INSR: variants seen among roughly 807,000 people sequenced by gnomAD.
The protein encoded by INSR is insulin receptor, also known as IR.
In INSR, 67 loss-of-function variants were observed where a neutral mutation model predicts 142.6. The ratio of observed to expected loss-of-function variants is 0.47; its 90% CI spans 0.39 to 0.58. The LOEUF is 0.58. INSR is among the 20% of genes least tolerant of loss of function. The probability of loss-of-function intolerance (pLI) is 0.00; values close to 1 mark genes in which losing one functional copy is unlikely to be tolerated. For missense variants in INSR, 1,248 were observed against 1,833.2 expected, an observed-to-expected ratio of 0.68 and a Z score of 5.83; for synonymous variants, 756 against 743.1, an observed-to-expected ratio of 1.02 and a Z score of -0.28.
At position 7,117,349 on chromosome 19, in the gene INSR, T is replaced by C; in HGVS notation, c.3856A>G (p.Ile1286Val). Residue 1286 changes from isoleucine to valine, a missense_variant, in exon 22 of 22, where the codon ATT becomes GTT. Around this residue, in one of 3 missense-constraint regions of INSR, gnomAD observed 1,069 missense variants for 1,654.0 expected, o/e 0.65. Coordinates refer to ENST00000302850, the MANE Select transcript of INSR (RefSeq NM_000208.4). ...NPKMRPTFLEIVNLLKDDLHP... is the reference protein window; with the variant it reads ...NPKMRPTFLEVVNLLKDDLHP... ...AGGTCGTCCTTGAGCAGGTTGACAA[T>C]CTCCAGGAAGGTTGGCCTCATCTTG... 6.2e-7 allele frequency: 1 copy of C among 1,614,060 alleles called. No homozygotes were observed. Among genetic ancestry groups the C allele is most frequent in the Non-Finnish European group, 8.5e-7 (1 of 1,180,008 alleles).
chr19:7,196,967 T>C (rs77403281), intron 2 of INSR, among the ~76,000 whole-genome samples: 6,627 of 152,196 alleles, frequency 0.044, 481 homozygotes, highest in African/African-American at 0.15. Context: ...GGCCTTTCTC[T>C]CCCACACTGG....
intron 2 of INSR, among the ~76,000 whole-genome samples, chr19:7,219,231 C>G (rs1238499908): frequency 6.6e-6 from 1 of 152,120 alleles, no homozygotes; most frequent in African/African-American, 2.4e-5. Flanking sequence ...TTGCAGGGAC[C>G]AGATATATTA....
At chr19:7,135,693 G>A (rs996991968) in intron 13 of INSR, among the ~76,000 whole-genome samples, 1 of 151,876 alleles carries the variant, frequency 6.6e-6, no homozygotes, top group African/African-American at 2.4e-5. Flanking sequence ...TCCACCAGCT[G>A]GGCACGGTGG....
At chr19:7,141,655 G>A in intron 13 of INSR, 22 bp downstream of exon 13, 1 of 1,613,950 alleles carries the variant, frequency 6.2e-7, no homozygotes, top group Non-Finnish European at 8.5e-7. Flanking sequence ...GCAGGGGCAT[G>A]CCCAAGAGTC....
At chr19:7,153,066 CCA>C (rs1329064073) in intron 9 of INSR, 139 bp from the exon 10 acceptor site, 2 of 390,874 alleles carry the variant, frequency 5.1e-6, no homozygotes, top group African/African-American at 3.6e-5. Flanking sequence ...CACACACACA[CCA>C]CACACATCAC....
intron 2 of INSR, among the ~76,000 whole-genome samples, chr19:7,239,141 G>A (rs1333423103): frequency 6.6e-6 from 1 of 152,018 alleles, no homozygotes; most frequent in African/African-American, 2.4e-5. Context: ...TTTCTATCTG[G>A]CCACAATTTC....
In INSR at chr19:7,273,006, A is replaced by AAGT. The variant is rs1253275058; in HGVS notation, c.101-5113_101-5111dup. Among the ~76,000 whole-genome samples, 65 of 152,290 alleles carry AAGT rather than the reference A, an allele frequency of 4.3e-4. 1 individual carries two copies. Among genetic ancestry groups the AAGT allele is most frequent in the Non-Finnish European group, 1.6e-4 (11 of 68,024 alleles). The stretch of plus-strand genomic sequence containing the variant: ...AAGAGCTAGGGAAATGGGGGATGGA[A>AAGT]AGTAGTAGCTAGAGGGTACAGGGTT... On this transcript the variant is annotated intron_variant, in intron 1 of 21. Transcript: ENST00000302850.
intron 2 of INSR, among the ~76,000 whole-genome samples, chr19:7,208,164 G>T (rs1027962513): frequency 1.3e-5 from 2 of 152,076 alleles, no homozygotes; most frequent in African/African-American, 2.4e-5. Flanking sequence ...CTCATGCCAC[G>T]TAACTATTCT....
intron 4 of INSR, among the ~76,000 whole-genome samples, chr19:7,173,077 G>A (rs897976903): frequency 6.6e-6 from 1 of 152,206 alleles, no homozygotes; most frequent in African/African-American, 2.4e-5. Flanking sequence ...TGCCCGGCCT[G>A]CCAGGCTGAA....
In INSR at chr19:7,142,808, A is replaced by G. The variant is rs754023629; in HGVS notation, c.2542+8T>C. 3.7e-6 allele frequency: 6 copies of G among 1,613,860 alleles called. No individual in the cohort carries two copies. The highest frequency in any genetic ancestry group is 4.5e-5 in the East Asian group (2 of 44,888). On this transcript the variant is annotated splice_region_variant and intron_variant, in intron 12 of 21. Transcript: ENST00000302850. ...CATGACACTCGGACCCCGGAGCAGC[A>G]GCCCTACCTTCAGGCATGGTCCTCG... is the stretch of plus-strand genomic sequence containing the variant.
intron 9 of INSR, among the ~76,000 whole-genome samples, chr19:7,156,935 G>A (rs1023472024): frequency 2.6e-5 from 4 of 151,138 alleles, no homozygotes; most frequent in Non-Finnish European, 5.9e-5. Context: ...GGGATTACAG[G>A]CATGCACCAT....
chr19:7,213,074 G>A (rs1466152465), intron 2 of INSR, among the ~76,000 whole-genome samples: 3 of 152,044 alleles, frequency 2.0e-5, no homozygotes, highest in Non-Finnish European at 4.4e-5. Flanking sequence ...GGCCGGGCGC[G>A]GTGGCTCACG....
At chr19:7,224,673 C>T (rs968711746) in intron 2 of INSR, among the ~76,000 whole-genome samples, 6 of 152,136 alleles carry the variant, frequency 3.9e-5, no homozygotes, top group Admixed American at 3.9e-4. Context: ...GCCAAGAAGC[C>T]GTAAGATGTG....
chr19:7,190,530 C>T lies in INSR; in HGVS notation c.653-5893G>A, dbSNP rs575672389. On this transcript the variant is annotated intron_variant, in intron 2 of 21. Coordinates refer to ENST00000302850, the MANE Select transcript of INSR (RefSeq NM_000208.4). ...GGGATTACAGGCGCCCGTCATCACG[C>T]CCAGCTAATTTTTGTATTTTTAGTA... 2.9e-3 allele frequency among the ~76,000 whole-genome samples: 436 copies of T among 152,210 alleles called. 1 individual carries two copies. Among genetic ancestry groups the T allele is most frequent in the Middle Eastern group, 6.8e-3 (2 of 294 alleles).
intron 2 of INSR, among the ~76,000 whole-genome samples, chr19:7,198,273 G>A (rs1432494310): frequency 1.3e-5 from 2 of 151,412 alleles, no homozygotes; most frequent in African/African-American, 2.4e-5. Context: ...CGCCCCCCGG[G>A]TGCGCCGGGC....
At chr19:7,190,112 T>G (rs1326580659) in intron 2 of INSR, among the ~76,000 whole-genome samples, 2 of 151,910 alleles carry the variant, frequency 1.3e-5, no homozygotes, top group African/African-American at 4.8e-5. Flanking sequence ...TTTGGGAGGC[T>G]GAGGCGGGAG....
In INSR at chr19:7,267,499, G is replaced by T. The variant is rs1389074595; in HGVS notation, c.498C>A (p.Ser166=). 1 of 1,614,048 alleles carries T rather than the reference G, an allele frequency of 6.2e-7. No individual in the cohort carries two copies. Among genetic ancestry groups the T allele is most frequent in the Non-Finnish European group, 8.5e-7 (1 of 1,180,000 alleles). Residue 166 remains serine, a synonymous_variant, in exon 2 of 22, where the codon TCC becomes TCA. Transcript: ENST00000302850. The surrounding 1 kb of genome is among the most constrained non-coding windows in gnomAD (Gnocchi z 6.3). The part of the protein sequence containing the change: ...ATIDWSRILD[S]VEDNYIVLNK... ...TCAACACGATGTAATTATCCTCCACGGAATCCAGGATACGGGACCAGTCGA... is the reference window on the plus strand; with the variant it reads ...TCAACACGATGTAATTATCCTCCACTGAATCCAGGATACGGGACCAGTCGA...
intron 2 of INSR, among the ~76,000 whole-genome samples, chr19:7,205,181 A>G (rs373665632): frequency 1.3e-5 from 2 of 152,208 alleles, no homozygotes; most frequent in Non-Finnish European, 2.9e-5. Context: ...AGTGTCCGGC[A>G]CCATCTGAGC....
chr19:7,258,303 G>C (rs1024807021), intron 2 of INSR, among the ~76,000 whole-genome samples: 2 of 152,160 alleles, frequency 1.3e-5, no homozygotes, highest in Non-Finnish European at 2.9e-5. Flanking sequence ...GCTGGGCGTG[G>C]TGGTGCCTGC....
Sources: gnomAD v4.1 joint callset for allele counts (sites outside exome capture counted in the v4.1 genomes callset) on GRCh38, gnomAD v4.1.1 for gene constraint, gnomAD v4.1.1 regional missense constraint, Gnocchi (gnomAD v3.1) non-coding constraint, MANE v1.5 for transcripts, NCBI Gene and HGNC (gene_info 2026-07-23, HGNC 2026-07-21) for gene names.